Variants in LARS2 observed in about 807,000 individuals in gnomAD.
LARS2 encodes leucine--tRNA ligase, mitochondrial.
Under a neutral mutation model 116.6 loss-of-function variants are expected in LARS2, and 81 were observed. That is an observed-to-expected ratio of 0.69 (90% CI 0.58 to 0.84). The LOEUF (loss-of-function observed/expected upper bound fraction) is 0.84, where lower values mean the gene tolerates loss of function less well. Ranked by LOEUF, LARS2 falls within the 40% of genes least tolerant of loss-of-function variation. The pLI is 0.00. For missense variants in LARS2, 968 were observed against 1,114.5 expected, an observed-to-expected ratio of 0.87 and a Z score of 1.87; for synonymous variants, 396 against 407.2, an observed-to-expected ratio of 0.97 and a Z score of 0.33.
chr3:45,510,238 C>T (rs1163550452), intron 15 of LARS2, among the ~76,000 whole-genome samples: 1 of 151,968 alleles, frequency 6.6e-6, no homozygotes, highest in African/African-American at 2.4e-5. Context: ...CATAGTGAGA[C>T]TTCATCTCTA....
chr3:45,532,396 G>A (rs533509525), intron 20 of LARS2, among the ~76,000 whole-genome samples: 1 of 152,232 alleles, frequency 6.6e-6, no homozygotes, highest in East Asian at 1.9e-4. Context: ...TATGATTTAT[G>A]TTCAGTTAAT....
chr3:45,464,223 G>A (rs768760518), intron 8 of LARS2, among the ~76,000 whole-genome samples: 2 of 152,146 alleles, frequency 1.3e-5, no homozygotes, highest in East Asian at 3.9e-4. Context: ...AGGAGGTGAG[G>A]GGAGAGAAGG....
chr3:45,400,449 C>A, intron 4 of LARS2, 76 bp downstream of exon 4: 1 of 1,427,390 alleles, frequency 7.0e-7, no homozygotes. Context: ...GTGTTCAAGA[C>A]AAATGAAGAA....
intron 15 of LARS2, among the ~76,000 whole-genome samples, chr3:45,504,717 C>T (rs1235179697): frequency 6.6e-6 from 1 of 151,610 alleles, no homozygotes; most frequent in Non-Finnish European, 1.5e-5. Context: ...CTGTTACTGT[C>T]ATGGTCTCAC....
intron 8 of LARS2, among the ~76,000 whole-genome samples, chr3:45,464,784 G>A (rs2125713274): frequency 6.6e-6 from 1 of 152,318 alleles, no homozygotes; most frequent in African/African-American, 2.4e-5. Flanking sequence ...AGGAGCAAGT[G>A]AGAAATGTTT....
At chr3:45,426,715 T>G (rs1698601248) in intron 6 of LARS2, among the ~76,000 whole-genome samples, 3 of 152,184 alleles carry the variant, frequency 2.0e-5, no homozygotes, top group Admixed American at 2.0e-4. Flanking sequence ...AGGTGTGTTT[T>G]TCATCGCTTC....
intron 16 of LARS2, 21 bp downstream of exon 16, chr3:45,513,256 C>T: frequency 6.7e-7 from 1 of 1,484,022 alleles, no homozygotes. Flanking sequence ...CCCATCTGGT[C>T]CCATCCAGGT....
rs1180010440 is a variant in LARS2, at chr3:45,484,620, A to ATATATATATATATAT, written c.1019-1072_1019-1071insTATATATATATATAT. On this transcript the variant is annotated intron_variant, in intron 10 of 21. Coordinates refer to ENST00000645846, the MANE Select transcript of LARS2 (RefSeq NM_015340.4). ...TGTCTCTACAAAAAAAAAAAAAAAA[A>ATATATATATATATAT]AAAAAAAAAAATATATATATATATA... 4.2e-3 allele frequency among the ~76,000 whole-genome samples: 59 copies of ATATATATATATATAT among 13,992 alleles called. 2 individuals carry two copies. The highest frequency in any genetic ancestry group is 9.6e-3 in the Non-Finnish European group (38 of 3,968). The allele number at this position is 13,992 out of a possible 152,430, so 9.2% of individuals were successfully genotyped here.
chr3:45,465,218 T>C (rs1699399518), intron 8 of LARS2, among the ~76,000 whole-genome samples: 1 of 152,210 alleles, frequency 6.6e-6, no homozygotes, highest in Non-Finnish European at 1.5e-5. Flanking sequence ...ATAGTTAAAT[T>C]CTGCTCCTTC....
chr3:45,458,475 G>A (rs1038939128), intron 7 of LARS2, among the ~76,000 whole-genome samples: 12 of 152,186 alleles, frequency 7.9e-5, no homozygotes, highest in African/African-American at 2.9e-4. Context: ...GGTGGATCAC[G>A]AGGTCAGGCA....
In LARS2 at chr3:45,400,264, A is replaced by G; in HGVS notation, c.254A>G (p.Tyr85Cys). 6.2e-7 allele frequency: 1 copy of G among 1,612,758 alleles called. No individual in the cohort carries two copies. The highest frequency in any genetic ancestry group is 2.2e-5 in the East Asian group (1 of 44,870). Residue 85 changes from tyrosine (Y) to cysteine (C), a missense_variant, in exon 4 of 22, where the codon TAC (tyrosine) becomes TGC (cysteine). Tyr to Cys is a radical substitution (Grantham distance 194). Transcript: ENST00000645846. ...TCCTAGAAATCGAAGCCAAAATTTT[A>G]CGTGCTTTCCATGTTCCCTTATCCT... The part of the protein sequence containing the change: ...SEADKSKPKF[Y>C]VLSMFPYPSG...
At chr3:45,516,010 C>T in intron 16 of LARS2, 84 bp from the exon 17 acceptor site, 1 of 1,075,392 alleles carries the variant, frequency 9.3e-7, no homozygotes, top group Non-Finnish European at 1.3e-6. Flanking sequence ...CCATCGCTCA[C>T]CCAGTTTTTA....
At chr3:45,517,198 G>A (rs1221810796) in intron 17 of LARS2, among the ~76,000 whole-genome samples, 6 of 152,188 alleles carry the variant, frequency 3.9e-5, no homozygotes, top group Non-Finnish European at 7.3e-5. Context: ...TAACCCAGGG[G>A]ACAGGCTCCA....
chr3:45,514,433 A>G (rs1245079472), intron 16 of LARS2, among the ~76,000 whole-genome samples: 1 of 152,200 alleles, frequency 6.6e-6, no homozygotes, highest in Non-Finnish European at 1.5e-5. Flanking sequence ...AGCAAAATAT[A>G]TCAAGGTTTA....
chr3:45,485,627 T>G, intron 10 of LARS2, 65 bp from the exon 11 acceptor site: 99 of 854,144 alleles, frequency 1.2e-4, no homozygotes, highest in Non-Finnish European at 1.6e-4. Context: ...TTGTTTCCTC[T>G]GAGATTCAGA....
chr3:45,532,694 T>C (rs140001178), intron 20 of LARS2, among the ~76,000 whole-genome samples: 41 of 152,190 alleles, frequency 2.7e-4, no homozygotes, highest in African/African-American at 9.2e-4. Context: ...CAGGCTGGAG[T>C]GCGGTGGTGC....
At chr3:45,438,021 T>C (rs992106763) in intron 6 of LARS2, among the ~76,000 whole-genome samples, 1 of 152,004 alleles carries the variant, frequency 6.6e-6, no homozygotes, top group African/African-American at 2.4e-5. Context: ...GGGCCAGGGG[T>C]AAATTGCAAT....
intron 15 of LARS2, 67 bp from the exon 16 acceptor site, chr3:45,513,068 C>T (rs1345790357): frequency 7.0e-5 from 75 of 1,065,640 alleles, no homozygotes; most frequent in East Asian, 1.7e-4. Context: ...GGAAGGTCTG[C>T]GTTGCTGTTT....
At chr3:45,392,217 A>G (rs1013325048) in intron 2 of LARS2, among the ~76,000 whole-genome samples, 2 of 152,188 alleles carry the variant, frequency 1.3e-5, no homozygotes, top group Non-Finnish European at 2.9e-5. Flanking sequence ...ACATTTAACC[A>G]ATTTCATATA....
Sources: gnomAD v4.1 joint callset for allele counts (sites outside exome capture counted in the v4.1 genomes callset) on GRCh38, gnomAD v4.1.1 for gene constraint, MANE v1.5 for transcripts, NCBI Gene and HGNC (gene_info 2026-07-23, HGNC 2026-07-21) for gene names.